Variants in GALNT17 observed in about 807,000 individuals in gnomAD.
GALNT17 encodes UDP-GalNAc:polypeptide N-acetylgalactosaminyltransferase-like 3.
In GALNT17, 29 loss-of-function variants were observed where a neutral mutation model predicts 63.7. The observed-to-expected ratio is 0.46, with a 90% confidence interval of 0.34 to 0.62. The LOEUF (loss-of-function observed/expected upper bound fraction) is 0.62, where lower values mean the gene tolerates loss of function less well. Among genes scored for constraint, GALNT17 ranks in the 20% least tolerant of loss-of-function variants. The pLI is 0.01. For synonymous variants in GALNT17, 305 were observed against 318.3 expected, an observed-to-expected ratio of 0.96 and a Z score of 0.45; for missense variants, 603 against 799.6, an observed-to-expected ratio of 0.75 and a Z score of 2.97.
intron 1 of GALNT17, among the ~76,000 whole-genome samples, chr7:71,153,997 A>G (rs1366937019): frequency 6.6e-6 from 1 of 152,202 alleles, no homozygotes; most frequent in African/African-American, 2.4e-5. Context: ...ATCAAACGGT[A>G]GAGTTTAATT....
At position 71,622,178 on chromosome 7, in the gene GALNT17, A is replaced by G. The variant is rs988558550; in HGVS notation, c.1081-43233A>G. Among the ~76,000 whole-genome samples the G allele has an allele frequency of 1.8e-4, 27 of 152,226 alleles. 1 individual carries two copies. Among genetic ancestry groups the G allele is most frequent in the Admixed American group, 6.5e-5 (1 of 15,280 alleles). ...GGGACCCAGCACAAAATCTGCGGGA[A>G]TGGAACTCCTAGAATGGGCAACATG... On this transcript the variant is annotated intron_variant, in intron 6 of 10. Transcript: ENST00000333538.
At chr7:71,539,665 G>A (rs143119452) in intron 5 of GALNT17, among the ~76,000 whole-genome samples, 53 of 142,552 alleles carry the variant, frequency 3.7e-4, no homozygotes, top group Middle Eastern at 7.6e-3. Context: ...ATGCATCAGA[G>A]ACACATATGG....
intron 5 of GALNT17, among the ~76,000 whole-genome samples, chr7:71,508,165 A>C (rs28391523): frequency 0.2 from 29,821 of 152,092 alleles, 3,002 homozygotes; most frequent in Middle Eastern, 0.33. Context: ...TCCTCTGCTT[A>C]GTTTCTTTCC....
chr7:71,181,315 TAGAC>T (rs1788731780), intron 1 of GALNT17, among the ~76,000 whole-genome samples: 1 of 150,828 alleles, frequency 6.6e-6, no homozygotes, highest in African/African-American at 2.4e-5. Flanking sequence ...CTAATATTAA[TAGAC>T]AGGAAAACAG....
chr7:71,621,501 A>AGATG (rs71816496), intron 6 of GALNT17, among the ~76,000 whole-genome samples: 3,435 of 42,520 alleles, frequency 0.081, 158 homozygotes, highest in African/African-American at 0.12. Flanking sequence ...ATTGATGGAT[A>AGATG]GATGGATGGA....
intron 1 of GALNT17, among the ~76,000 whole-genome samples, chr7:71,210,555 T>C (rs1221001835): frequency 6.6e-6 from 1 of 152,222 alleles, no homozygotes; most frequent in Non-Finnish European, 1.5e-5. Context: ...TTGCAATTGT[T>C]AGTAGAATAT....
intron 8 of GALNT17, among the ~76,000 whole-genome samples, chr7:71,676,677 G>T (rs1225848641): frequency 6.6e-6 from 1 of 152,160 alleles, no homozygotes; most frequent in East Asian, 1.9e-4. Flanking sequence ...ACCGCATCCA[G>T]CCTAATTTGC....
At chr7:71,271,823 G>A (rs894676682) in intron 1 of GALNT17, among the ~76,000 whole-genome samples, 1 of 152,126 alleles carries the variant, frequency 6.6e-6, no homozygotes, top group African/African-American at 2.4e-5. Context: ...GCAGTGGCAC[G>A]ATCACAGTTC....
chr7:71,473,521 T>TA lies in GALNT17; in HGVS notation c.962+52417dup, dbSNP rs1472524397. Among the ~76,000 whole-genome samples the TA allele has an allele frequency of 2.0e-5, 3 of 152,366 alleles. No homozygotes were observed. The East Asian group carries it at 5.8e-4, about 29-fold the overall frequency. On this transcript the variant is annotated intron_variant, in intron 5 of 10. Transcript: ENST00000333538. ...AGAGTCAGGTTGCAATTTGGTATCT[T>TA]ACTGCCACAGTGAGTCTGTTTTCTC...
At chr7:71,225,853 T>C (rs1011024257) in intron 1 of GALNT17, among the ~76,000 whole-genome samples, 2 of 152,262 alleles carry the variant, frequency 1.3e-5, no homozygotes, top group African/African-American at 4.8e-5. Flanking sequence ...TAAACAATGA[T>C]GTTGATGTAT....
At chr7:71,145,450 A>G (rs1210880898) in intron 1 of GALNT17, among the ~76,000 whole-genome samples, 1 of 152,054 alleles carries the variant, frequency 6.6e-6, no homozygotes, top group Non-Finnish European at 1.5e-5. Flanking sequence ...GTGAGCTATG[A>G]TTGTGCCACT....
At chr7:71,329,272 G>C (rs1417969368) in intron 1 of GALNT17, among the ~76,000 whole-genome samples, 1 of 152,168 alleles carries the variant, frequency 6.6e-6, no homozygotes, top group East Asian at 1.9e-4. Flanking sequence ...CTGGGGAAGG[G>C]AAAGGGAAAA....
chr7:71,314,418 T>G (rs1791465243), intron 1 of GALNT17, among the ~76,000 whole-genome samples: 1 of 152,086 alleles, frequency 6.6e-6, no homozygotes, highest in South Asian at 2.1e-4. Context: ...GAGAGGGTGT[T>G]AGAACTGGAT....
chr7:71,556,748 T>C (rs1407846941), intron 5 of GALNT17, among the ~76,000 whole-genome samples: 1 of 151,842 alleles, frequency 6.6e-6, no homozygotes, highest in Non-Finnish European at 1.5e-5. Flanking sequence ...TTGTTTTGTT[T>C]AGAGACAGGG....
rs545964737 is a variant in GALNT17 at position 71,165,049 on chromosome 7, A to T, written c.238+32009A>T. Among the ~76,000 whole-genome samples, 21 of 152,362 alleles carry T rather than the reference A, an allele frequency of 1.4e-4. No individual in the cohort carries two copies. In the South Asian group the frequency reaches 4.4e-3, roughly 32 times the overall value. ...GCATTACATCTTTCTATTAGGGGAGATATAAGAGAAGCTGAGGCTCATAAA... is the reference window on the plus strand; with the variant it reads ...GCATTACATCTTTCTATTAGGGGAGTTATAAGAGAAGCTGAGGCTCATAAA... On this transcript the variant is annotated intron_variant, in intron 1 of 10. Transcript: ENST00000333538.
chr7:71,285,689 C>G (rs574376973), intron 1 of GALNT17, among the ~76,000 whole-genome samples: 6 of 152,280 alleles, frequency 3.9e-5, no homozygotes, highest in Non-Finnish European at 7.4e-5. Context: ...CCATTTCTGT[C>G]ATGTGAGGAC....
At chr7:71,458,895 G>A (rs1367392924) in intron 5 of GALNT17, among the ~76,000 whole-genome samples, 4 of 152,080 alleles carry the variant, frequency 2.6e-5, no homozygotes, top group Non-Finnish European at 5.9e-5. Context: ...CAGGGTAGGG[G>A]GCGTGGCGGG....
chr7:71,599,876 T>C (rs1264988654), intron 6 of GALNT17, among the ~76,000 whole-genome samples: 2 of 152,038 alleles, frequency 1.3e-5, no homozygotes, highest in African/African-American at 4.8e-5. Context: ...AGGTAATGTC[T>C]TATTGTGGGG....
At chr7:71,374,368 A>G (rs1293859097) in intron 2 of GALNT17, among the ~76,000 whole-genome samples, 1 of 152,226 alleles carries the variant, frequency 6.6e-6, no homozygotes, top group Non-Finnish European at 1.5e-5. Flanking sequence ...GTTCCAGCAT[A>G]GCAGCCAGAA....
Sources: gnomAD v4.1 joint callset for allele counts (sites outside exome capture counted in the v4.1 genomes callset) on GRCh38, gnomAD v4.1.1 for gene constraint, MANE v1.5 for transcripts, NCBI Gene and HGNC (gene_info 2026-07-23, HGNC 2026-07-21) for gene names.